The following TBC1D31 variants were observed in gnomAD, a reference collection of about 807,000 sequenced individuals.
TBC1D31 encodes the protein TBC1 domain family member 31.
Under a neutral mutation model 132.9 loss-of-function variants are expected in TBC1D31, and 99 were observed. That is an observed-to-expected ratio of 0.74 (90% CI 0.63 to 0.88). The LOEUF is 0.88. Ranked by LOEUF, TBC1D31 falls within the 40% of genes least tolerant of loss-of-function variation. The probability of loss-of-function intolerance (pLI) is 0.00; values close to 1 mark genes in which losing one functional copy is unlikely to be tolerated. For missense variants in TBC1D31, 1,134 were observed against 1,256.6 expected (o/e 0.90, Z 1.48); for synonymous variants, 385 against 419.4 (o/e 0.92, Z 1.00).
intron 1 of TBC1D31, chr8:123,073,334 T>C: frequency 2.2e-6 from 1 of 456,564 alleles, no homozygotes; most frequent in Non-Finnish European, 4.4e-6. Context: ...ATCAACTATT[T>C]GTTGAGCTCC....
At chr8:123,078,064 A>G (rs575293022) in intron 2 of TBC1D31, among the ~76,000 whole-genome samples, 6 of 152,144 alleles carry the variant, frequency 3.9e-5, no homozygotes, top group South Asian at 2.1e-4. Context: ...AAAAAAAAAA[A>G]GTTGGTTTTC....
At position 123,150,089 on chromosome 8, in the gene TBC1D31, C is replaced by T; in HGVS notation, c.3028C>T (p.Gln1010Ter). 6.2e-7 allele frequency: 1 copy of T among 1,614,014 alleles called. No individual in the cohort carries two copies. Among genetic ancestry groups the T allele is most frequent in the Non-Finnish European group, 8.5e-7 (1 of 1,179,924 alleles). The change falls in exon 21 of 22, where the codon CAA (glutamine) becomes TAA (stop). Residue 1010 changes from glutamine (Q) to a stop codon, truncating the protein, a stop_gained. Coordinates refer to ENST00000287380, the MANE Select transcript of TBC1D31 (RefSeq NM_145647.4). LOFTEE classifies it low-confidence loss of function (END_TRUNC). The stretch of plus-strand genomic sequence containing the variant: ...CTCAAGCTGTTTGCCTAGAACCTCA[C>T]AATTAAATGACTCTTCTGAAATGGA... ...QDSSCLPRTSQLNDSSEMDPS... is the reference protein window; with the variant it reads ...QDSSCLPRTS
At chr8:123,154,797 C>T (rs1365714341), downstream of TBC1D31, among the ~76,000 whole-genome samples, 1 of 152,148 alleles carries the variant, frequency 6.6e-6, no homozygotes, top group Non-Finnish European at 1.5e-5. Context: ...ATGGTTGGGG[C>T]AGAGCACGAC....
intron 2 of TBC1D31, among the ~76,000 whole-genome samples, chr8:123,082,197 A>C (rs1297018178): frequency 6.6e-6 from 1 of 152,172 alleles, no homozygotes; most frequent in Non-Finnish European, 1.5e-5. Flanking sequence ...CTAGGTGCCC[A>C]GTACTCTACT....
intron 5 of TBC1D31, among the ~76,000 whole-genome samples, chr8:123,093,991 T>C (rs2130183497): frequency 6.6e-6 from 1 of 152,278 alleles, no homozygotes; most frequent in South Asian, 2.1e-4. Flanking sequence ...GTTTTATTTA[T>C]ACCAGCCTTT....
At chr8:123,160,006 T>C in the TBC1D31 span, among the ~76,000 whole-genome samples, 1 of 152,242 alleles carries the variant, frequency 6.6e-6, no homozygotes, top group African/African-American at 2.4e-5. Flanking sequence ...TGGTATGGGT[T>C]GTTTGTTACA....
chr8:123,083,733 T>G (rs1460201017), intron 3 of TBC1D31: 1 of 154,086 alleles, frequency 6.5e-6, no homozygotes, highest in East Asian at 1.9e-4. Flanking sequence ...GCCTCTTTCT[T>G]AGTTGAGGCC....
At chr8:123,083,118 A>T (rs1231051406) in intron 3 of TBC1D31, 1 of 203,376 alleles carries the variant, frequency 4.9e-6, no homozygotes, top group Non-Finnish European at 9.9e-6. Context: ...TAACTAGCCA[A>T]AGGAAGAGAA....
At chr8:123,130,143 T>C in intron 15 of TBC1D31, 55 bp from the exon 16 acceptor site, 1 of 1,550,516 alleles carries the variant, frequency 6.4e-7, no homozygotes, top group Non-Finnish European at 8.7e-7. Context: ...ATGAAAAAAC[T>C]AAATCATATT....
chr8:123,112,600 T>C (rs1004824565), intron 10 of TBC1D31, among the ~76,000 whole-genome samples: 2 of 152,204 alleles, frequency 1.3e-5, no homozygotes, highest in Non-Finnish European at 2.9e-5. Context: ...TTATGCACCA[T>C]TATTTATTTG....
chr8:123,078,726 C>T (rs1024343207), intron 2 of TBC1D31, among the ~76,000 whole-genome samples: 1 of 152,068 alleles, frequency 6.6e-6, no homozygotes, highest in African/African-American at 2.4e-5. Context: ...TGAAGGAGCT[C>T]CCTCTGGTCA....
At chr8:123,137,704 C>T (rs6991323) in intron 17 of TBC1D31, among the ~76,000 whole-genome samples, 63,928 of 152,138 alleles carry the variant, frequency 0.42, 14,573 homozygotes, top group African/African-American at 0.6. Flanking sequence ...GTCAAACTGA[C>T]AGAGCATGGC....
At chr8:123,080,740 T>A (rs181454593) in intron 2 of TBC1D31, among the ~76,000 whole-genome samples, 7 of 152,228 alleles carry the variant, frequency 4.6e-5, no homozygotes, top group Admixed American at 4.6e-4. Context: ...TTTCACCATG[T>A]TGGCCAGGAT....
chr8:123,154,108 G>T (rs894954297), downstream of TBC1D31, among the ~76,000 whole-genome samples: 1 of 152,162 alleles, frequency 6.6e-6, no homozygotes, highest in African/African-American at 2.4e-5. Context: ...ATTGCATGTG[G>T]GTCGTTAACA....
chr8:123,080,585 C>T (rs141180814), intron 2 of TBC1D31, among the ~76,000 whole-genome samples: 35 of 128,468 alleles, frequency 2.7e-4, no homozygotes, highest in East Asian at 2.6e-3. Context: ...TTGCCCAGGC[C>T]GGGGTACAGT....
At chr8:123,161,455 C>T in the TBC1D31 span, among the ~76,000 whole-genome samples, 1 of 152,202 alleles carries the variant, frequency 6.6e-6, no homozygotes, top group Non-Finnish European at 1.5e-5. Context: ...TTCAATTGCC[C>T]CTCACTTACG....
intron 15 of TBC1D31, among the ~76,000 whole-genome samples, chr8:123,129,705 C>T (rs1418840021): frequency 2.6e-5 from 4 of 152,166 alleles, no homozygotes; most frequent in Non-Finnish European, 1.5e-5. Context: ...TGTGGTGCCA[C>T]ATACCTATAG....
At chr8:123,112,229 C>T (rs1805040779) in intron 10 of TBC1D31, among the ~76,000 whole-genome samples, 1 of 152,130 alleles carries the variant, frequency 6.6e-6, no homozygotes, top group African/African-American at 2.4e-5. Flanking sequence ...GCCACTAGCT[C>T]ACTACACAGG....
intron 12 of TBC1D31, 41 bp from the exon 13 acceptor site, chr8:123,126,467 T>C: frequency 6.4e-7 from 1 of 1,570,506 alleles, no homozygotes; most frequent in African/African-American, 1.4e-5. Context: ...CCTTTTTACT[T>C]TTCCCTAGAA....
Sources: allele counts gnomAD v4.1 joint callset (sites outside exome capture counted in the v4.1 genomes callset), GRCh38; gene constraint gnomAD v4.1.1; transcripts MANE v1.5; gene names NCBI Gene and HGNC (gene_info 2026-07-23, HGNC 2026-07-21).